Variants in SNX29 observed in about 807,000 individuals in gnomAD.
SNX29 encodes sorting nexin 29, also known as sorting nexin-29.
Under a neutral mutation model 102.1 loss-of-function variants are expected in SNX29, and 78 were observed. The observed-to-expected ratio is 0.76, with a 90% CI of 0.64 to 0.92. The LOEUF (loss-of-function observed/expected upper bound fraction) is 0.92, where lower values mean the gene tolerates loss of function less well. SNX29 is among the 40% of genes least tolerant of loss of function. The probability of loss-of-function intolerance (pLI) is 0.00; values close to 1 mark genes in which losing one functional copy is unlikely to be tolerated. For missense variants in SNX29, 1,280 were observed against 1,061.7 expected (o/e 1.21, Z -2.86); for synonymous variants, 580 against 414.5 (o/e 1.40, Z -4.85).
At position 12,573,936 on chromosome 16, in the gene SNX29, C is replaced by CT. The variant is rs1302919683; in HGVS notation, c.*5313dup. 1 of 200,714 alleles carries CT rather than the reference C, an allele frequency of 5.0e-6. No homozygotes were observed. The highest frequency in any genetic ancestry group is 1.9e-4 in the South Asian group (1 of 5,244). 12.4% of individuals were successfully genotyped at this position (200,714 alleles called of 1,614,324 possible). ...ACACCGACTTCTTAGAGAAGCGAGT[C>CT]TTTTTTGAATGGAGGAGCGATGGTA... On this transcript the variant is annotated 3_prime_UTR_variant, in exon 21 of 21. Coordinates refer to ENST00000566228, the MANE Select transcript of SNX29 (RefSeq NM_032167.5).
At chr16:12,301,370 G>C (rs2080168318) in intron 15 of SNX29, among the ~76,000 whole-genome samples, 2 of 152,140 alleles carry the variant, frequency 1.3e-5, no homozygotes, top group African/African-American at 4.8e-5. Context: ...AGCCCCCTCA[G>C]CCTGCCCCTA....
Position 12,572,994 on chromosome 16 carries a change from A to C in SNX29, c.*4365A>C, listed in dbSNP as rs192354933. The C allele has an allele frequency of 5.9e-4, 211 of 357,034 alleles. No individual in the cohort carries two copies. The highest frequency in any genetic ancestry group is 3.9e-3 in the African/African-American group (184 of 47,566). 22.1% of individuals were successfully genotyped at this position (357,034 alleles called of 1,614,324 possible). On this transcript the variant is annotated 3_prime_UTR_variant, in exon 21 of 21. Transcript: ENST00000566228. ...CAAAATATTGTGCATTAATTCATTAAAGCTACTGTTAAATATTTGCTGTTT... is the reference window on the plus strand; with the variant it reads ...CAAAATATTGTGCATTAATTCATTACAGCTACTGTTAAATATTTGCTGTTT...
chr16:12,476,403 T>TAC (rs1567603264), intron 18 of SNX29, among the ~76,000 whole-genome samples: 3 of 20,574 alleles, frequency 1.5e-4, no homozygotes, highest in African/African-American at 4.5e-4. Context: ...TATATATATA[T>TAC]ATATATATAC....
At chr16:12,492,786 G>T (rs1020315359) in intron 19 of SNX29, among the ~76,000 whole-genome samples, 3 of 152,164 alleles carry the variant, frequency 2.0e-5, no homozygotes, top group South Asian at 2.1e-4. Flanking sequence ...ATTAAATAGG[G>T]AATCCTTTCC....
chr16:12,063,366 CTTTTTTTTTTTT>C (rs369015533), intron 9 of SNX29, among the ~76,000 whole-genome samples: 4 of 55,336 alleles, frequency 7.2e-5, no homozygotes, highest in East Asian at 4.9e-4. Context: ...CCTAGTCCAT[CTTTTTTTTTTTT>C]TTTTTTTTTT....
chr16:12,155,923 G>C (rs775214178), intron 13 of SNX29, among the ~76,000 whole-genome samples: 1 of 152,152 alleles, frequency 6.6e-6, no homozygotes, highest in Non-Finnish European at 1.5e-5. Context: ...CACTTCCTTC[G>C]AAGTAAAGCC....
chr16:12,420,906 A>T (rs2084847827), intron 18 of SNX29, among the ~76,000 whole-genome samples: 1 of 152,176 alleles, frequency 6.6e-6, no homozygotes, highest in Non-Finnish European at 1.5e-5. Flanking sequence ...TGAGAGCACC[A>T]CCTTCTTGTC....
At chr16:12,446,395 C>G (rs974435132) in intron 18 of SNX29, among the ~76,000 whole-genome samples, 1 of 152,186 alleles carries the variant, frequency 6.6e-6, no homozygotes, top group African/African-American at 2.4e-5. Flanking sequence ...TTCAGAGTCT[C>G]TGCCTAGAAT....
intron 18 of SNX29, among the ~76,000 whole-genome samples, chr16:12,464,874 G>C (rs377010654): frequency 2.0e-5 from 3 of 152,122 alleles, no homozygotes; most frequent in African/African-American, 7.2e-5. Flanking sequence ...TGCCAATAGC[G>C]TACAAGAGTT....
At chr16:12,010,947 A>C (rs1227062217) in intron 3 of SNX29, among the ~76,000 whole-genome samples, 1 of 151,826 alleles carries the variant, frequency 6.6e-6, no homozygotes, top group Non-Finnish European at 1.5e-5. Flanking sequence ...AATATCTCTG[A>C]ATGTTTGTCA....
chr16:12,213,270 G>A (rs964703238), intron 14 of SNX29, among the ~76,000 whole-genome samples: 6 of 152,188 alleles, frequency 3.9e-5, no homozygotes, highest in African/African-American at 1.2e-4. Flanking sequence ...AGAAGTGGGA[G>A]CCAAGCTGTG....
At chr16:12,152,145 C>T (rs945688073) in intron 13 of SNX29, among the ~76,000 whole-genome samples, 21 of 151,974 alleles carry the variant, frequency 1.4e-4, no homozygotes, top group Non-Finnish European at 2.6e-4. Flanking sequence ...TGCTTGGGCC[C>T]GCGAGGTGAA....
At chr16:12,544,277 C>G (rs3975365) in intron 20 of SNX29, among the ~76,000 whole-genome samples, 17,713 of 152,224 alleles carry the variant, frequency 0.12, 1,377 homozygotes, top group Non-Finnish European at 0.16. Flanking sequence ...GGACTTTACA[C>G]TCTCAGTACG....
chr16:12,089,175 AAAGT>A (rs1436819037), intron 11 of SNX29, among the ~76,000 whole-genome samples: 2 of 150,408 alleles, frequency 1.3e-5, no homozygotes, highest in East Asian at 2.0e-4. Context: ...AAAGAAAGAA[AAAGT>A]GTGTGGTGGT....
At chr16:12,108,706 G>T (rs1022241479) in intron 11 of SNX29, among the ~76,000 whole-genome samples, 2 of 152,148 alleles carry the variant, frequency 1.3e-5, no homozygotes, top group Non-Finnish European at 2.9e-5. Context: ...AGTTATGCTG[G>T]TGGTGGCCAG....
intron 13 of SNX29, among the ~76,000 whole-genome samples, chr16:12,191,069 G>T (rs777228250): frequency 3.9e-5 from 6 of 152,152 alleles, no homozygotes; most frequent in Non-Finnish European, 8.8e-5. Context: ...TGGGTTGGTG[G>T]AATGGTTTTG....
At chr16:12,235,540 C>G (rs923023016) in intron 14 of SNX29, among the ~76,000 whole-genome samples, 58 of 151,654 alleles carry the variant, frequency 3.8e-4, no homozygotes, top group Non-Finnish European at 1.3e-4. Context: ...TTCTGCCTTT[C>G]CATTTTCCCA....
At chr16:12,531,565 C>T (rs1037665030) in intron 20 of SNX29, among the ~76,000 whole-genome samples, 1 of 152,014 alleles carries the variant, frequency 6.6e-6, no homozygotes, top group South Asian at 2.1e-4. Context: ...GGGGCAGCAG[C>T]GGCATTGCCA....
intron 20 of SNX29, among the ~76,000 whole-genome samples, chr16:12,536,334 G>C (rs2077079241): frequency 1.3e-5 from 2 of 152,178 alleles, no homozygotes; most frequent in South Asian, 4.1e-4. Flanking sequence ...TAATGCAGCA[G>C]GAAACAAGCC....
Sources: allele counts gnomAD v4.1 joint callset (sites outside exome capture counted in the v4.1 genomes callset), GRCh38; gene constraint gnomAD v4.1.1; transcripts MANE v1.5; gene names NCBI Gene and HGNC (gene_info 2026-07-23, HGNC 2026-07-21).